Variants in DGKB observed in about 807,000 individuals in gnomAD.
The protein encoded by DGKB is 90 kDa diacylglycerol kinase.
In DGKB, 67 loss-of-function variants were observed where a neutral mutation model predicts 114.3. The ratio of observed to expected loss-of-function variants is 0.59; its 90% CI spans 0.48 to 0.72. The LOEUF is 0.72. Ranked by LOEUF, DGKB falls within the 30% of genes least tolerant of loss-of-function variation. The probability of loss-of-function intolerance (pLI) is 0.00; values close to 1 mark genes in which losing one functional copy is unlikely to be tolerated. For missense variants in DGKB, 907 were observed against 975.2 expected (o/e 0.93, Z 0.93); for synonymous variants, 398 against 323.1 (o/e 1.23, Z -2.49).
chr7:14,567,189 A>G (rs1489199459), intron 20 of DGKB, among the ~76,000 whole-genome samples: 2 of 89,442 alleles, frequency 2.2e-5, no homozygotes, highest in South Asian at 2.9e-4. Flanking sequence ...ATAATTATAT[A>G]TTTATATATT....
At chr7:14,439,453 T>G (rs1016594474) in intron 21 of DGKB, among the ~76,000 whole-genome samples, 3 of 152,116 alleles carry the variant, frequency 2.0e-5, no homozygotes, top group Non-Finnish European at 4.4e-5. Flanking sequence ...TGAAGCTCCC[T>G]GTATTGGCCT....
intron 20 of DGKB, among the ~76,000 whole-genome samples, chr7:14,527,663 G>A (rs112358211): frequency 5.3e-5 from 8 of 151,754 alleles, no homozygotes; most frequent in Admixed American, 2.6e-4. Context: ...AATTTTTGTC[G>A]GGTTTAAGAT....
chr7:14,347,366 A>G (rs1461317401), intron 21 of DGKB, among the ~76,000 whole-genome samples: 1 of 152,052 alleles, frequency 6.6e-6, no homozygotes, highest in African/African-American at 2.4e-5. Context: ...TACAGCCGTT[A>G]TGGAAAACAG....
chr7:14,843,854 T>C (rs1244197781), intron 1 of DGKB, among the ~76,000 whole-genome samples: 1 of 91,848 alleles, frequency 1.1e-5, no homozygotes, highest in Non-Finnish European at 2.0e-5. Context: ...GTCAGCTTTA[T>C]TGAGAGCTTA....
intron 25 of DGKB, among the ~76,000 whole-genome samples, chr7:14,152,332 A>C (rs1005351780): frequency 2.0e-5 from 3 of 152,018 alleles, no homozygotes; most frequent in Admixed American, 6.6e-5. Context: ...ATTTTGCAAC[A>C]TGATTTTGGT....
intron 5 of DGKB, among the ~76,000 whole-genome samples, chr7:14,730,521 ACT>A (rs1830750170): frequency 2.6e-5 from 4 of 152,152 alleles, no homozygotes; most frequent in Admixed American, 1.3e-4. Context: ...ATGTAAGAAA[ACT>A]CAGTCCTGAG....
At chr7:14,853,126 C>T (rs963162756) in intron 1 of DGKB, among the ~76,000 whole-genome samples, 1 of 152,058 alleles carries the variant, frequency 6.6e-6, no homozygotes, top group African/African-American at 2.4e-5. Flanking sequence ...ACAAAATTGC[C>T]TAAGGAAAAT....
In DGKB at chr7:14,368,460, G is replaced by A. The variant is rs1007369118; in HGVS notation, c.1836-23069C>T. 6.6e-5 allele frequency among the ~76,000 whole-genome samples: 10 copies of A among 152,230 alleles called. 1 individual carries two copies. The highest frequency in any genetic ancestry group is 2.0e-4 in the Admixed American group (3 of 15,284). ...GCACTAGGCGTGGCACACAGAAAGTGCCCACTAACAATAGCCAACATTAGC... is the reference window on the plus strand; with the variant it reads ...GCACTAGGCGTGGCACACAGAAAGTACCCACTAACAATAGCCAACATTAGC... On this transcript the variant is annotated intron_variant, in intron 21 of 25. Transcript: ENST00000402815.
chr7:14,464,886 C>T (rs1279193812), intron 21 of DGKB, among the ~76,000 whole-genome samples: 1 of 152,140 alleles, frequency 6.6e-6, no homozygotes, highest in African/African-American at 2.4e-5. Context: ...ACCTCTCAGA[C>T]TTTATGTGAG....
chr7:14,425,582 A>C (rs1827388876), intron 21 of DGKB, among the ~76,000 whole-genome samples: 1 of 152,158 alleles, frequency 6.6e-6, no homozygotes, highest in South Asian at 2.1e-4. Context: ...AATCAATACA[A>C]GCATTAATCT....
At chr7:14,446,994 C>G (rs765393039) in intron 21 of DGKB, among the ~76,000 whole-genome samples, 4 of 152,132 alleles carry the variant, frequency 2.6e-5, no homozygotes, top group Non-Finnish European at 5.9e-5. Flanking sequence ...AACTTAGGCA[C>G]AGGCACAATA....
chr7:14,149,866 TA>T (rs1465199260), intron 25 of DGKB, among the ~76,000 whole-genome samples: 1 of 152,182 alleles, frequency 6.6e-6, no homozygotes, highest in African/African-American at 2.4e-5. Flanking sequence ...AAAGCCTGCT[TA>T]AAACACTTTG....
chr7:14,951,552 T>G (rs1692456592), intron 1 of DGKB, among the ~76,000 whole-genome samples: 1 of 152,048 alleles, frequency 6.6e-6, no homozygotes, highest in African/African-American at 2.4e-5. Context: ...GTTAGGGCAG[T>G]AAAATTATTC....
chr7:14,944,408 T>C (rs1438402336), intron 1 of DGKB, among the ~76,000 whole-genome samples: 2 of 151,912 alleles, frequency 1.3e-5, no homozygotes, highest in African/African-American at 4.8e-5. Context: ...GATTTTGAAA[T>C]CTAGAGTAAC....
At chr7:14,703,272 C>A (rs573982551) in intron 6 of DGKB, among the ~76,000 whole-genome samples, 1 of 152,216 alleles carries the variant, frequency 6.6e-6, no homozygotes, top group Non-Finnish European at 1.5e-5. Flanking sequence ...CTCTGTTAAC[C>A]CTTACTGGAG....
chr7:14,724,614 G>C (rs564578752), intron 5 of DGKB, among the ~76,000 whole-genome samples: 7 of 152,204 alleles, frequency 4.6e-5, no homozygotes, highest in Non-Finnish European at 1.0e-4. Context: ...AACGTTTTAA[G>C]AGCAGAGTAA....
chr7:14,787,106 G>A (rs1019051500), intron 2 of DGKB, among the ~76,000 whole-genome samples: 2 of 152,076 alleles, frequency 1.3e-5, no homozygotes, highest in Non-Finnish European at 2.9e-5. Context: ...ACTCAATAGA[G>A]CACCTCTTCA....
intron 5 of DGKB, among the ~76,000 whole-genome samples, chr7:14,720,776 G>C (rs1477976083): frequency 6.6e-6 from 1 of 150,910 alleles, no homozygotes; most frequent in Non-Finnish European, 1.5e-5. Context: ...AGAAGTATCA[G>C]TGTATGTCTA....
intron 23 of DGKB, among the ~76,000 whole-genome samples, chr7:14,197,720 G>T (rs968772899): frequency 6.6e-6 from 1 of 152,084 alleles, no homozygotes; most frequent in Non-Finnish European, 1.5e-5. Context: ...TGCAAAATGC[G>T]TATGAACTTC....
Sources: gnomAD v4.1 joint callset for allele counts (sites outside exome capture counted in the v4.1 genomes callset) on GRCh38, gnomAD v4.1.1 for gene constraint, MANE v1.5 for transcripts, NCBI Gene and HGNC (gene_info 2026-07-23, HGNC 2026-07-21) for gene names.